Variants in PRDM2 observed in about 807,000 individuals in gnomAD.
PRDM2 encodes the protein PR/SET domain 2, also known as PR domain zinc finger protein 2.
PRDM2 carries 30 observed loss-of-function variants against 130.0 expected under a neutral mutation model. That is an observed-to-expected ratio of 0.23 (90% CI 0.17 to 0.31). PRDM2 has a LOEUF of 0.31. Ranked by LOEUF, PRDM2 falls within the 10% of genes least tolerant of loss-of-function variation. PRDM2 has a pLI of 1.00. For missense variants in PRDM2, 2,011 were observed against 2,108.4 expected, an observed-to-expected ratio of 0.95 and a Z score of 0.90; for synonymous variants, 871 against 782.4, an observed-to-expected ratio of 1.11 and a Z score of -1.89.
chr1:13,711,302 G>A (rs1288058133), intron 1 of PRDM2, among the ~76,000 whole-genome samples: 1 of 152,182 alleles, frequency 6.6e-6, no homozygotes, highest in Non-Finnish European at 1.5e-5. Flanking sequence ...GATTGCCATG[G>A]CACTTCCACG....
At position 13,779,588 on chromosome 1, in the gene PRDM2, T is replaced by A; in HGVS notation, c.1793T>A (p.Ile598Lys). Residue 598 changes from isoleucine to lysine, a missense_variant, in exon 8 of 10, where the codon ATA becomes AAA. Around this residue, in one of 5 missense-constraint regions of PRDM2, gnomAD observed 1,288 missense variants for 1,237.7 expected, o/e 1.04. Coordinates refer to ENST00000311066, the MANE Select transcript of PRDM2 (RefSeq NM_001393986.1). The surrounding 1 kb of genome is among the most constrained non-coding windows in gnomAD (Gnocchi z 4.9). Reference sequence around the variant, plus strand: ...TCTGCTTCGGCAGATTTGTATGGTATAAATTGTCTGCTCACTCCAGTTACA... The same window carrying A: ...TCTGCTTCGGCAGATTTGTATGGTAAAAATTGTCTGCTCACTCCAGTTACA... The part of the protein sequence containing the change: ...MESASADLYG[I>K]NCLLTPVTVE... 2 of 1,614,134 alleles carry A rather than the reference T, an allele frequency of 1.2e-6. No homozygotes were observed. The highest frequency in any genetic ancestry group is 1.7e-6 in the Non-Finnish European group (2 of 1,179,984).
Position 13,732,761 on chromosome 1 carries a change from A to G in PRDM2, c.128-18A>G, listed in dbSNP as rs746610630. 11 of 1,510,320 alleles carry G rather than the reference A, an allele frequency of 7.3e-6. No individual in the cohort carries two copies. In the African/African-American group the frequency reaches 1.1e-4, roughly 15 times the overall value. The allele number at this position is 1,510,320 out of a possible 1,614,324, so 93.6% of individuals were successfully genotyped here. On this transcript the variant is annotated intron_variant, in intron 3 of 9. Transcript: ENST00000311066. Reference sequence around the variant, plus strand: ...AATAACCATGATACATTATAAAAATACTGATTTTATTTTCTAGGTGTCTGG... The same window carrying G: ...AATAACCATGATACATTATAAAAATGCTGATTTTATTTTCTAGGTGTCTGG...
intron 6 of PRDM2, chr1:13,770,335 C>T (rs1644330394): frequency 4.1e-6 from 2 of 491,714 alleles, no homozygotes; most frequent in Admixed American, 2.0e-5. Flanking sequence ...ATGTTTTAGA[C>T]AGTTATGTGA....
chr1:13,795,046 G>A (rs1479808602), intron 8 of PRDM2, among the ~76,000 whole-genome samples: 1 of 152,164 alleles, frequency 6.6e-6, no homozygotes, highest in Non-Finnish European at 1.5e-5. Flanking sequence ...CCAATTCAAA[G>A]TGAGAAAAAA....
intron 6 of PRDM2, among the ~76,000 whole-genome samples, chr1:13,758,612 C>G (rs992063425): frequency 2.0e-5 from 3 of 152,056 alleles, no homozygotes; most frequent in Admixed American, 2.0e-4. Context: ...GAGAAGGTAA[C>G]TTTGTTTAAA....
intron 8 of PRDM2, among the ~76,000 whole-genome samples, chr1:13,796,938 A>T (rs892090618): frequency 3.3e-5 from 5 of 152,350 alleles, no homozygotes; most frequent in African/African-American, 1.2e-4. Flanking sequence ...GGAACGAAAC[A>T]AAAGTTTGGG....
intron 4 of PRDM2, among the ~76,000 whole-genome samples, chr1:13,734,116 G>C (rs1034229748): frequency 6.6e-6 from 1 of 152,148 alleles, no homozygotes; most frequent in Non-Finnish European, 1.5e-5. Context: ...CTATTAACGG[G>C]GGGTGTCTTA....
At chr1:13,749,671 TCCCG>T (rs1643749259) in intron 6 of PRDM2, among the ~76,000 whole-genome samples, 184 bp downstream of exon 6, 1 of 150,404 alleles carries the variant, frequency 6.6e-6, no homozygotes, top group Admixed American at 6.6e-5. Flanking sequence ...CGCCCTGCGG[TCCCG>T]CTCGGGCCCT....
intron 8 of PRDM2, among the ~76,000 whole-genome samples, chr1:13,793,983 A>G (rs1644883238): frequency 6.6e-6 from 1 of 152,188 alleles, no homozygotes; most frequent in African/African-American, 2.4e-5. Flanking sequence ...TCAGTCTGAG[A>G]CCAGGGCCCC....
At position 13,779,210 on chromosome 1, in the gene PRDM2, T is replaced by A; in HGVS notation, c.1415T>A (p.Val472Asp). The change falls in exon 8 of 10, where the codon GTC (valine) becomes GAC (aspartate). Residue 472 changes from valine to aspartate, a missense_variant. Transcript: ENST00000311066. This position sits in a 1 kb window ranked among gnomAD's most constrained non-coding sequence, Gnocchi z 4.9. ...KASQDTINSS[V>D]VEENGEVKEL... ...TCCCAAGACACAATAAATTCTTCTG[T>A]CGTAGAAGAGAATGGGGAAGTTAAA... 1 of 1,614,160 alleles carries A rather than the reference T, an allele frequency of 6.2e-7. No homozygotes were observed. Among genetic ancestry groups the A allele is most frequent in the Non-Finnish European group, 8.5e-7 (1 of 1,180,034 alleles).
At position 13,700,247 on chromosome 1, in the gene PRDM2, AGCG is replaced by A. The variant is rs1018973109; in HGVS notation, c.-104_-102del. The A allele has an allele frequency of 9.3e-5, 14 of 151,246 alleles. No individual in the cohort carries two copies. The highest frequency in any genetic ancestry group is 1.3e-4 in the Non-Finnish European group (9 of 67,818). The allele number at this position is 151,246 out of a possible 1,614,324, so 9.4% of individuals were successfully genotyped here. A position where few individuals can be genotyped will look rare whatever the true frequency, so the allele number is the denominator to read the frequency against. On this transcript the variant is annotated 5_prime_UTR_variant, in exon 1 of 10. Coordinates refer to ENST00000311066, the MANE Select transcript of PRDM2 (RefSeq NM_001393986.1). ...CCGCGGGCGCCGGGGCCGGCGAAACAGCGGCGGCGGCGGCGGCCCTCGGTGCTC... is the reference window on the plus strand; with the variant it reads ...CCGCGGGCGCCGGGGCCGGCGAAACAGCGGCGGCGGCGGCCCTCGGTGCTC...
At chr1:13,784,478 T>C (rs1296137310) in intron 8 of PRDM2, among the ~76,000 whole-genome samples, 1 of 152,238 alleles carries the variant, frequency 6.6e-6, no homozygotes, top group Admixed American at 6.5e-5. Context: ...GCTTGTTTTG[T>C]ACTTGGCCCT....
At chr1:13,717,463 G>T in intron 2 of PRDM2, 1 of 980,440 alleles carries the variant, frequency 1.0e-6, no homozygotes, top group Non-Finnish European at 1.2e-6. Flanking sequence ...TGTTAATATT[G>T]TTCTTGTTGC....
chr1:13,728,736 T>C (rs1176939079), intron 2 of PRDM2, among the ~76,000 whole-genome samples: 2 of 152,204 alleles, frequency 1.3e-5, no homozygotes, highest in African/African-American at 4.8e-5. Context: ...AATAATGGGT[T>C]GACTTAAAAC....
chr1:13,815,129 T>G (rs1466924066), intron 8 of PRDM2, among the ~76,000 whole-genome samples: 1 of 152,204 alleles, frequency 6.6e-6, no homozygotes, highest in Non-Finnish European at 1.5e-5. Flanking sequence ...TTATTTGAGA[T>G]GGAGTCTTGC....
At chr1:13,709,936 G>C (rs916944805) in intron 1 of PRDM2, among the ~76,000 whole-genome samples, 1 of 152,116 alleles carries the variant, frequency 6.6e-6, no homozygotes, top group Non-Finnish European at 1.5e-5. Flanking sequence ...CCCTGCCAGA[G>C]ATCTAAAGTG....
At chr1:13,814,608 T>C (rs1645228038) in intron 8 of PRDM2, among the ~76,000 whole-genome samples, 1 of 152,252 alleles carries the variant, frequency 6.6e-6, no homozygotes, top group Admixed American at 6.5e-5. Flanking sequence ...GCAGCACCCC[T>C]GGCCTTACCT....
intron 6 of PRDM2, among the ~76,000 whole-genome samples, chr1:13,759,390 G>A (rs1569901205): frequency 6.6e-6 from 1 of 152,222 alleles, no homozygotes; most frequent in African/African-American, 2.4e-5. Context: ...CAGTTTCTGA[G>A]CCTTTTGTTA....
chr1:13,722,206 A>G (rs1642752340), intron 2 of PRDM2, among the ~76,000 whole-genome samples: 1 of 152,166 alleles, frequency 6.6e-6, no homozygotes, highest in African/African-American at 2.4e-5. Flanking sequence ...GGCCTTACAG[A>G]ACATGCAGCT....
Sources: gnomAD v4.1 joint callset for allele counts (sites outside exome capture counted in the v4.1 genomes callset) on GRCh38, gnomAD v4.1.1 for gene constraint, gnomAD v4.1.1 regional missense constraint, Gnocchi (gnomAD v3.1) non-coding constraint, MANE v1.5 for transcripts, NCBI Gene and HGNC (gene_info 2026-07-23, HGNC 2026-07-21) for gene names.